TBC1D32: variants seen among roughly 807,000 people sequenced by gnomAD.
The protein encoded by TBC1D32 is protein broad-minded.
A neutral mutation model predicts 170.3 loss-of-function variants in TBC1D32; 151 were observed. The observed-to-expected ratio is 0.89, with a 90% confidence interval of 0.78 to 1.01. The LOEUF (loss-of-function observed/expected upper bound fraction) is 1.01. TBC1D32 is among the 50% of genes least tolerant of loss of function. The pLI is 0.00. For missense variants in TBC1D32, 1,464 were observed against 1,457.1 expected (o/e 1.00, Z -0.08); for synonymous variants, 498 against 488.0 (o/e 1.02, Z -0.27).
intron 17 of TBC1D32, among the ~76,000 whole-genome samples, chr6:121,244,058 C>A: frequency 6.6e-6 from 1 of 151,804 alleles, no homozygotes. Context: ...ACCTAGTCTG[C>A]ATAAACTAAT....
At chr6:121,287,222 G>A (rs1163113370) in intron 12 of TBC1D32, among the ~76,000 whole-genome samples, 2 of 152,126 alleles carry the variant, frequency 1.3e-5, no homozygotes, top group Non-Finnish European at 2.9e-5. Flanking sequence ...TAGATAAGGA[G>A]TCAAGGCCCA....
chr6:121,327,007 C>T lies in TBC1D32; in HGVS notation c.156-5213G>A, dbSNP rs894348326. 5.3e-5 allele frequency among the ~76,000 whole-genome samples: 8 copies of T among 152,168 alleles called. No individual in the cohort carries two copies. In the East Asian group the frequency reaches 1.5e-3, roughly 29 times the overall value. ...AATTTTATGTTGTTTCTTTTACCATCGGAATTCATGGCAACACCCCATAAA... is the reference window on the plus strand; with the variant it reads ...AATTTTATGTTGTTTCTTTTACCATTGGAATTCATGGCAACACCCCATAAA... On this transcript the variant is annotated intron_variant, in intron 1 of 31. Transcript: ENST00000398212.
At chr6:121,100,560 C>A (rs1777915433) in intron 30 of TBC1D32, among the ~76,000 whole-genome samples, 1 of 151,880 alleles carries the variant, frequency 6.6e-6, no homozygotes, top group African/African-American at 2.4e-5. Flanking sequence ...CACAACATAC[C>A]AGAATCTCTG....
At chr6:121,216,906 T>C (rs111642035) in intron 21 of TBC1D32, among the ~76,000 whole-genome samples, 5 of 152,244 alleles carry the variant, frequency 3.3e-5, no homozygotes, top group African/African-American at 1.2e-4. Context: ...GTGAGGGCTA[T>C]TATGTTGGGA....
intron 15 of TBC1D32, among the ~76,000 whole-genome samples, chr6:121,264,053 C>A (rs562516969): frequency 1.1e-4 from 16 of 151,490 alleles, no homozygotes; most frequent in Admixed American, 4.0e-4. Flanking sequence ...CAAACAAATA[C>A]AAAAGCTAGA....
At chr6:121,174,338 G>C (rs375269133) in intron 22 of TBC1D32, among the ~76,000 whole-genome samples, 3 of 152,198 alleles carry the variant, frequency 2.0e-5, no homozygotes, top group East Asian at 3.9e-4. Flanking sequence ...AAAGATATTA[G>C]TCAAGAAATT....
In TBC1D32 at chr6:121,113,147, A is replaced by C; in HGVS notation, c.3084T>G (p.Asp1028Glu). 6.2e-7 allele frequency: 1 copy of C among 1,610,828 alleles called. No individual in the cohort carries two copies. The highest frequency in any genetic ancestry group is 8.5e-7 in the Non-Finnish European group (1 of 1,178,844). Residue 1028 changes from aspartate (D) to glutamate (E), a missense_variant, in exon 28 of 32, where the codon GAT becomes GAG. Coordinates refer to ENST00000398212, the MANE Select transcript of TBC1D32 (RefSeq NM_152730.6). ...CCCAGGTAAGATCATTTTCTGCACC[A>C]TCTTTTAAGAGACTGAGGAATTTGC... The part of the protein sequence containing the change: ...RYGKFLSLLK[D>E]GAENDLTWVL...
At chr6:121,279,400 GA>G (rs902889050) in intron 14 of TBC1D32, among the ~76,000 whole-genome samples, 155 bp from the exon 15 acceptor site, 1 of 151,860 alleles carries the variant, frequency 6.6e-6, no homozygotes, top group Non-Finnish European at 1.5e-5. Flanking sequence ...TAATATGTCT[GA>G]AAAAAATGTG....
intron 17 of TBC1D32, among the ~76,000 whole-genome samples, chr6:121,248,684 G>A (rs1797931052): frequency 1.3e-5 from 2 of 151,534 alleles, no homozygotes; most frequent in African/African-American, 4.8e-5. Flanking sequence ...ACCTTTATGT[G>A]CACAAACTAG....
chr6:121,180,874 C>T (rs556255458), intron 22 of TBC1D32, among the ~76,000 whole-genome samples: 2 of 152,030 alleles, frequency 1.3e-5, no homozygotes, highest in Non-Finnish European at 2.9e-5. Flanking sequence ...GGAATTCAAA[C>T]AACTCAGTAA....
chr6:121,306,558 T>A (rs1446446115), intron 5 of TBC1D32, among the ~76,000 whole-genome samples: 1 of 152,152 alleles, frequency 6.6e-6, no homozygotes, highest in Non-Finnish European at 1.5e-5. Context: ...AAACATCATA[T>A]CGATTTTAAA....
chr6:121,264,141 C>G (rs995746650), intron 15 of TBC1D32, among the ~76,000 whole-genome samples: 2 of 151,856 alleles, frequency 1.3e-5, no homozygotes, highest in Non-Finnish European at 2.9e-5. Context: ...ATCAATGAAT[C>G]CAGGAGCTGT....
At chr6:121,138,138 T>G (rs1385772581) in intron 24 of TBC1D32, among the ~76,000 whole-genome samples, 4 of 152,110 alleles carry the variant, frequency 2.6e-5, no homozygotes, top group Non-Finnish European at 5.9e-5. Flanking sequence ...TACAGAAAAC[T>G]AATACAAAGA....
Position 121,080,033 on chromosome 6 carries a change from C to T in TBC1D32, c.*738G>A, listed in dbSNP as rs12524806. ...GTTCTTCCACATGTAAAAGAAGCAG[C>T]TGTAGTTTTATCCATTTTCCTTTAC... On this transcript the variant is annotated 3_prime_UTR_variant, in exon 32 of 32. Coordinates refer to ENST00000398212, the MANE Select transcript of TBC1D32 (RefSeq NM_152730.6). 0.27 allele frequency: 41,135 copies of T among 152,030 alleles called. 8,460 individuals are homozygous for T. The highest frequency in any genetic ancestry group is 0.57 in the African/African-American group (23,435 of 41,434). The allele number at this position is 152,030 out of a possible 1,614,324, so 9.4% of individuals were successfully genotyped here.
At chr6:121,222,734 T>C (rs899635789) in intron 21 of TBC1D32, among the ~76,000 whole-genome samples, 2 of 152,184 alleles carry the variant, frequency 1.3e-5, no homozygotes, top group Admixed American at 6.5e-5. Context: ...GAACTAAATA[T>C]CCCTTAATGA....
intron 8 of TBC1D32, 63 bp from the exon 9 acceptor site, chr6:121,303,824 C>A: frequency 8.9e-7 from 1 of 1,128,620 alleles, no homozygotes; most frequent in Non-Finnish European, 1.2e-6. Context: ...ACTTTATATT[C>A]ATGGAATGAT....
intron 29 of TBC1D32, among the ~76,000 whole-genome samples, chr6:121,108,608 T>G (rs1454310783): frequency 6.6e-6 from 1 of 152,050 alleles, no homozygotes; most frequent in Non-Finnish European, 1.5e-5. Context: ...AACAAAACAC[T>G]CTTCAGAATA....
intron 24 of TBC1D32, among the ~76,000 whole-genome samples, chr6:121,142,074 CTT>C (rs1477885384): frequency 6.6e-6 from 1 of 152,238 alleles, no homozygotes; most frequent in African/African-American, 2.4e-5. Flanking sequence ...TGCTCCAAGC[CTT>C]TGTCATTAAA....
At chr6:121,111,425 T>G (rs946327543) in intron 29 of TBC1D32, among the ~76,000 whole-genome samples, 1 of 152,194 alleles carries the variant, frequency 6.6e-6, no homozygotes, top group African/African-American at 2.4e-5. Context: ...CAAAAGATTT[T>G]CAACATTACA....
Sources: allele counts gnomAD v4.1 joint callset (sites outside exome capture counted in the v4.1 genomes callset), GRCh38; gene constraint gnomAD v4.1.1; transcripts MANE v1.5; gene names NCBI Gene and HGNC (gene_info 2026-07-23, HGNC 2026-07-21).